Variants in NALF2 observed in about 807,000 individuals in gnomAD.
NALF2 encodes the protein NALCN channel auxiliary factor 2, also known as bB57D9.1 (TED protein).
In NALF2, 1 loss-of-function variant was observed where a neutral mutation model predicts 24.8. That is an observed-to-expected ratio of 0.04 (90% CI 0.01 to 0.19). The LOEUF (loss-of-function observed/expected upper bound fraction) is 0.19. Among genes scored for constraint, NALF2 ranks in the 10% least tolerant of loss-of-function variants. NALF2 has a pLI of 1.00. For missense variants in NALF2, 458 were observed against 409.6 expected (o/e 1.12, Z -1.02); for synonymous variants, 254 against 189.8 (o/e 1.34, Z -2.78).
intron 1 of NALF2, among the ~76,000 whole-genome samples, chrX:69,510,313 G>A (rs754863782): frequency 2.0e-4 from 22 of 112,218 alleles, no homozygotes; most frequent in Middle Eastern, 4.2e-3. Flanking sequence ...CAGAGCCAGC[G>A]CCTTGCCTTC....
chrX:69,528,602 A>G (rs1353135423), intron 1 of NALF2, among the ~76,000 whole-genome samples: 6 of 112,682 alleles, frequency 5.3e-5, no homozygotes, highest in African/African-American at 1.9e-4. Flanking sequence ...TGAATTGAAC[A>G]GAACTGACAT....
rs2147719713 is a variant in NALF2 at position 69,531,032 on chromosome X, C to T, written c.*1076C>T. On this transcript the variant is annotated 3_prime_UTR_variant, in exon 3 of 3. Transcript: ENST00000252338. ...TATACTCCCCTATCTTGTCCTAGCC[C>T]AGGCCTCCATGAAGGAGAACCTGGT... The T allele has an allele frequency of 8.9e-6, 1 of 112,798 alleles. No individual in the cohort carries two copies. Among genetic ancestry groups the T allele is most frequent in the African/African-American group, 3.2e-5 (1 of 31,002 alleles). 9.3% of individuals were successfully genotyped at this position (112,798 alleles called of 1,213,427 possible). A position where few individuals can be genotyped will look rare whatever the true frequency, so the allele number is the denominator to read the frequency against.
At position 69,505,605 on chromosome X, in the gene NALF2, G is replaced by A; in HGVS notation, c.323G>A (p.Ser108Asn). The change falls in exon 1 of 3, where the codon AGC (serine) becomes AAC (asparagine). Residue 108 changes from serine to asparagine, a missense_variant. Ser to Asn is a conservative substitution (Grantham distance 46). Transcript: ENST00000252338. ...CCGCCGCCGCCGCCCGGCGAGCCCA[G>A]CGCGCCCCCAGGCACCTGCGGCCCC... ...PLPPPPPGEP[S>N]APPGTCGPRY... is the part of the protein sequence containing the mutation. The A allele has an allele frequency of 9.1e-7, 1 of 1,093,858 alleles. No homozygotes were observed. 90.1% of individuals were successfully genotyped at this position (1,093,858 alleles called of 1,213,427 possible).
intron 1 of NALF2, among the ~76,000 whole-genome samples, chrX:69,524,496 G>C (rs1377604183): frequency 2.7e-5 from 3 of 111,711 alleles, no homozygotes; most frequent in Non-Finnish European, 5.6e-5. Context: ...AGAACTGACT[G>C]TTATCTTGTT....
At chrX:69,515,718 T>A (rs1176738869) in intron 1 of NALF2, among the ~76,000 whole-genome samples, 9 of 112,731 alleles carry the variant, frequency 8.0e-5, no homozygotes, top group Non-Finnish European at 1.5e-4. Context: ...CTTTTTTGTA[T>A]GTATTAATGA....
chrX:69,505,423 G>A lies in NALF2; in HGVS notation c.141G>A (p.Leu47=). ...SERAQRWRLS[L]ASLLFFTVLL... ...GGGCGCAGCGATGGCGACTGTCCCT[G>A]GCGTCCCTGCTCTTCTTCACCGTGC... Residue 47 remains leucine (L), a synonymous_variant, in exon 1 of 3, where the codon CTG becomes CTA. Coordinates refer to ENST00000252338, the MANE Select transcript of NALF2 (RefSeq NM_015686.3). 1.7e-6 allele frequency: 2 copies of A among 1,154,603 alleles called. No individual in the cohort carries two copies. The highest frequency in any genetic ancestry group is 2.3e-6 in the Non-Finnish European group (2 of 868,484).
At chrX:69,520,024 C>T (rs1569259506) in intron 1 of NALF2, among the ~76,000 whole-genome samples, 1 of 112,016 alleles carries the variant, frequency 8.9e-6, no homozygotes, top group Non-Finnish European at 1.9e-5. Flanking sequence ...TTCTGTTTCT[C>T]CTCCAATCTC....
At chrX:69,508,665 C>T (rs1029489850) in intron 1 of NALF2, among the ~76,000 whole-genome samples, 1 of 111,588 alleles carries the variant, frequency 9.0e-6, no homozygotes, top group Non-Finnish European at 1.9e-5. Context: ...AAAAGACAGC[C>T]CTGCTACCCT....
At chrX:69,511,813 C>G (rs759569303) in intron 1 of NALF2, among the ~76,000 whole-genome samples, 13 of 111,936 alleles carry the variant, frequency 1.2e-4, no homozygotes, top group Non-Finnish European at 2.1e-4. Flanking sequence ...CCCAACACAT[C>G]GTAAGCATGC....
At position 69,505,318 on chromosome X, in the gene NALF2, C is replaced by G; in HGVS notation, c.36C>G (p.Asp12Glu). The change falls in exon 1 of 3, where the codon GAC (aspartate) becomes GAG (glutamate). Residue 12 changes from aspartate (D) to glutamate (E), a missense_variant. Asp to Glu is a conservative substitution (Grantham distance 45). Transcript: ENST00000252338. Reference protein sequence around the residue: ...FRGAWMWPGKDAAALTICCCC... With the variant: ...FRGAWMWPGKEAAALTICCCC... ...GCGCTTGGATGTGGCCCGGGAAAGACGCCGCCGCGCTGACTATCTGCTGCT... is the reference window on the plus strand; with the variant it reads ...GCGCTTGGATGTGGCCCGGGAAAGAGGCCGCCGCGCTGACTATCTGCTGCT... The G allele has an allele frequency of 5.2e-6, 6 of 1,155,598 alleles. No individual in the cohort carries two copies. In the South Asian group the frequency reaches 9.7e-5, roughly 19 times the overall value.
At chrX:69,520,149 C>A (rs1403816235) in intron 1 of NALF2, among the ~76,000 whole-genome samples, 1 of 112,202 alleles carries the variant, frequency 8.9e-6, no homozygotes, top group Non-Finnish European at 1.9e-5. Context: ...TCTAGGCTTC[C>A]ACAATTGCTG....
Position 69,529,136 on chromosome X carries a change from C to T in NALF2, c.1005C>T (p.Tyr335=), listed in dbSNP as rs1487189511. ...TCCCCGACAATGAGGAAATGGTGTA[C>T]GGAGGGCTCCCTGGCTTTATCTGTA... ...FILPDNEEMV[Y]GGLPGFICTG... The change falls in exon 2 of 3, where the codon TAC becomes TAT. Residue 335 remains tyrosine (Y), a synonymous_variant. Coordinates refer to ENST00000252338, the MANE Select transcript of NALF2 (RefSeq NM_015686.3). 1 of 1,209,850 alleles carries T rather than the reference C, an allele frequency of 8.3e-7. No individual in the cohort carries two copies. Among genetic ancestry groups the T allele is most frequent in the Non-Finnish European group, 1.1e-6 (1 of 894,645 alleles).
intron 1 of NALF2, among the ~76,000 whole-genome samples, chrX:69,520,504 T>A (rs1368367121): frequency 8.9e-6 from 1 of 111,780 alleles, no homozygotes; most frequent in Non-Finnish European, 1.9e-5. Context: ...GTAGTCCTAC[T>A]ATGTCCCTGA....
intron 2 of NALF2, among the ~76,000 whole-genome samples, 190 bp downstream of exon 2, chrX:69,529,354 C>T (rs1310581363): frequency 9.0e-6 from 1 of 111,351 alleles, no homozygotes; most frequent in Non-Finnish European, 1.9e-5. Flanking sequence ...CCAGAGTGTC[C>T]TTCTCTGCCC....
At chrX:69,513,248 C>T (rs1930610674) in intron 1 of NALF2, among the ~76,000 whole-genome samples, 1 of 112,253 alleles carries the variant, frequency 8.9e-6, no homozygotes, top group Non-Finnish European at 1.9e-5. Flanking sequence ...CACTACACCT[C>T]AACATGTGCA....
chrX:69,527,998 G>T (rs867147666), intron 1 of NALF2, among the ~76,000 whole-genome samples: 5 of 103,671 alleles, frequency 4.8e-5, no homozygotes, highest in African/African-American at 1.0e-4. Context: ...TTTTGTTGTT[G>T]TTTTTTTTTT....
At chrX:69,525,800 TATTCCTACC>T (rs1409093097) in intron 1 of NALF2, among the ~76,000 whole-genome samples, 9 of 105,784 alleles carry the variant, frequency 8.5e-5, no homozygotes, top group African/African-American at 3.1e-4. Flanking sequence ...CTACCCCCAC[TATTCCTACC>T]ATTCCTTACC....
chrX:69,504,846 C>T lies in NALF2; in HGVS notation c.-437C>T, dbSNP rs1001229711. The stretch of plus-strand genomic sequence containing the variant: ...GGGCCCGCACGGCGGCGCTGAGGGG[C>T]GCAGAGCTGCGCCGAACCGAGACGG... On this transcript the variant is annotated 5_prime_UTR_variant, in exon 1 of 3. Coordinates refer to ENST00000252338, the MANE Select transcript of NALF2 (RefSeq NM_015686.3). Among the ~76,000 whole-genome samples, 2 of 108,211 alleles carry T rather than the reference C, an allele frequency of 1.8e-5. No homozygotes were observed. The highest frequency in any genetic ancestry group is 3.9e-5 in the Non-Finnish European group (2 of 51,440). The allele number at this position is 108,211 out of a possible 115,157, so 94.0% of individuals were successfully genotyped here.
At position 69,513,937 on chromosome X, in the gene NALF2, A is replaced by T. The variant is rs183410974; in HGVS notation, c.861+7794A>T. ...GCCGGGCGCGGTGGCTCACACCTGTAATCCCAGCACTTTTGGAGGTCGAGC... is the reference window on the plus strand; with the variant it reads ...GCCGGGCGCGGTGGCTCACACCTGTTATCCCAGCACTTTTGGAGGTCGAGC... On this transcript the variant is annotated intron_variant, in intron 1 of 2. Coordinates refer to ENST00000252338, the MANE Select transcript of NALF2 (RefSeq NM_015686.3). 3.2e-3 allele frequency among the ~76,000 whole-genome samples: 353 copies of T among 111,812 alleles called. 2 individuals carry two copies. Among genetic ancestry groups the T allele is most frequent in the Non-Finnish European group, 5.5e-3 (292 of 53,160 alleles).
Sources: gnomAD v4.1 joint callset for allele counts (sites outside exome capture counted in the v4.1 genomes callset) on GRCh38, gnomAD v4.1.1 for gene constraint, MANE v1.5 for transcripts, NCBI Gene and HGNC (gene_info 2026-07-23, HGNC 2026-07-21) for gene names.